Variants in SEC13 observed in about 807,000 individuals in gnomAD.
The protein encoded by SEC13 is protein SEC13 homolog.
SEC13 carries 25 observed loss-of-function variants against 49.2 expected under a neutral mutation model. That is an observed-to-expected ratio of 0.51 (90% CI 0.37 to 0.71). SEC13 has a LOEUF of 0.71. Ranked by LOEUF, SEC13 falls within the 30% of genes least tolerant of loss-of-function variation. SEC13 has a pLI of 0.00. For missense variants in SEC13, 383 were observed against 417.6 expected (o/e 0.92, Z 0.72); for synonymous variants, 148 against 163.9 (o/e 0.90, Z 0.74).
intron 7 of SEC13, 105 bp from the exon 8 acceptor site, chr3:10,304,277 G>A: frequency 8.3e-7 from 1 of 1,203,594 alleles, no homozygotes; most frequent in African/African-American, 1.5e-5. Context: ...TGCAGGAACA[G>A]GGTGGGGGAT....
Position 10,301,253 on chromosome 3 carries a change from C to CTGTCT in SEC13, c.*3_*7dup. The CTGTCT allele has an allele frequency of 6.2e-7, 1 of 1,614,206 alleles. No individual in the cohort carries two copies. Among genetic ancestry groups the CTGTCT allele is most frequent in the East Asian group, 2.2e-5 (1 of 44,876 alleles). ...TGGCGGGTGGGGAGCCAGGCCCCAC[C>CTGTCT]TGTCTTGTCACTGCTCGTTCTGCTG... On this transcript the variant is annotated 3_prime_UTR_variant, in exon 9 of 9. Coordinates refer to ENST00000350697, the MANE Select transcript of SEC13 (RefSeq NM_183352.3).
chr3:10,311,964 C>A lies in SEC13; in HGVS notation c.450+1G>T. 1.9e-6 allele frequency: 3 copies of A among 1,614,198 alleles called. No individual in the cohort carries two copies. The highest frequency in any genetic ancestry group is 2.5e-6 in the Non-Finnish European group (3 of 1,180,020). Reference sequence around the variant, plus strand: ...GCACGAAAGGCAGGGGATGGACTCACGGTGTGAGCGTTGTTGATCTTCTTT... The same window carrying A: ...GCACGAAAGGCAGGGGATGGACTCAAGGTGTGAGCGTTGTTGATCTTCTTT... On this transcript the variant is annotated splice_donor_variant, in intron 5 of 8. Transcript: ENST00000350697. LOFTEE classifies it high-confidence loss of function.
chr3:10,318,201 T>C, intron 1 of SEC13, 107 bp from the exon 2 acceptor site: 1 of 765,038 alleles, frequency 1.3e-6, no homozygotes, highest in Non-Finnish European at 2.3e-6. Flanking sequence ...ATTCATTCAT[T>C]CAGTAAGCAT....
At chr3:10,305,866 AGT>A (rs1319769274) in intron 5 of SEC13, 174 bp from the exon 6 acceptor site, 3 of 451,146 alleles carry the variant, frequency 6.6e-6, no homozygotes, top group South Asian at 3.5e-5. Context: ...GGATCCCAAC[AGT>A]GTGTGCATTT....
intron 5 of SEC13, among the ~76,000 whole-genome samples, chr3:10,307,458 C>CAA (rs926472412): frequency 6.6e-6 from 1 of 151,424 alleles, no homozygotes; most frequent in Non-Finnish European, 1.5e-5. Context: ...GGGCAGTTTA[C>CAA]AAAAAAAAGA....
At chr3:10,312,187 T>A in intron 4 of SEC13, 89 bp from the exon 5 acceptor site, 1 of 1,482,158 alleles carries the variant, frequency 6.7e-7, no homozygotes, top group South Asian at 1.4e-5. Flanking sequence ...TTACTAAATG[T>A]CTACAACAAA....
chr3:10,317,997 C>A, intron 2 of SEC13, 53 bp downstream of exon 2: 1 of 1,294,788 alleles, frequency 7.7e-7, no homozygotes, highest in Admixed American at 1.8e-5. Context: ...GCTTCCCTCC[C>A]ACAAAAATGC....
At chr3:10,317,670 C>T (rs961333944) in intron 2 of SEC13, among the ~76,000 whole-genome samples, 3 of 152,086 alleles carry the variant, frequency 2.0e-5, no homozygotes, top group African/African-American at 7.2e-5. Context: ...CTTCTTTTCA[C>T]CCCCCTTTCC....
At chr3:10,312,155 C>A in intron 4 of SEC13, 57 bp from the exon 5 acceptor site, 1 of 1,525,316 alleles carries the variant, frequency 6.6e-7, no homozygotes, top group South Asian at 1.2e-5. Flanking sequence ...CCCCAGGTCC[C>A]GCCTTCCACA....
chr3:10,314,448 G>A (rs1324076822), intron 3 of SEC13, among the ~76,000 whole-genome samples: 1 of 152,234 alleles, frequency 6.6e-6, no homozygotes, highest in African/African-American at 2.4e-5. Context: ...GATGTGTGAT[G>A]ACAATATCTG....
At chr3:10,311,774 C>T in intron 5 of SEC13, 191 bp downstream of exon 5, 1 of 1,436,160 alleles carries the variant, frequency 7.0e-7, no homozygotes, top group Non-Finnish European at 9.2e-7. Flanking sequence ...GAAGCAGTGC[C>T]AAGCCCTGCC....
At chr3:10,319,094 A>C in intron 1 of SEC13, 1 of 1,534,602 alleles carries the variant, frequency 6.5e-7, no homozygotes, top group Non-Finnish European at 8.8e-7. Context: ...TGGGATAGAA[A>C]AGAGGACTTA....
At chr3:10,319,444 T>G in intron 1 of SEC13, 1 of 561,712 alleles carries the variant, frequency 1.8e-6, no homozygotes. Flanking sequence ...TGCGACAGAC[T>G]AAGGAAATGA....
chr3:10,308,196 C>A (rs1701009544), intron 5 of SEC13, among the ~76,000 whole-genome samples: 5 of 152,178 alleles, frequency 3.3e-5, no homozygotes, highest in Admixed American at 3.3e-4. Flanking sequence ...ACATGCCCAT[C>A]ATTCCCAAAA....
At position 10,304,014 on chromosome 3, in the gene SEC13, A is replaced by G. The variant is rs988570251; in HGVS notation, c.855+12T>C. ...GGCTGTGTCCACCATGCCACGGGGAATGGGTATGTACCTTATTGTCTCCAC... is the reference window on the plus strand; with the variant it reads ...GGCTGTGTCCACCATGCCACGGGGAGTGGGTATGTACCTTATTGTCTCCAC... On this transcript the variant is annotated intron_variant, in intron 8 of 8. Coordinates refer to ENST00000350697, the MANE Select transcript of SEC13 (RefSeq NM_183352.3). 2.5e-6 allele frequency: 4 copies of G among 1,613,724 alleles called. No homozygotes were observed. The highest frequency in any genetic ancestry group is 3.4e-6 in the Non-Finnish European group (4 of 1,179,910).
At chr3:10,313,611 G>A (rs1701423072) in intron 3 of SEC13, 1 of 258,876 alleles carries the variant, frequency 3.9e-6, no homozygotes, top group African/African-American at 2.2e-5. Flanking sequence ...GGGACAACAG[G>A]ACATTCCCAG....
rs1034107419 is a variant in SEC13, at chr3:10,312,504, C to G, written c.316+75G>C. 1.0e-5 allele frequency: 16 copies of G among 1,544,190 alleles called. No homozygotes were observed. In the Middle Eastern group the frequency reaches 8.4e-4, roughly 81 times the overall value. On this transcript the variant is annotated intron_variant, in intron 4 of 8. Coordinates refer to ENST00000350697, the MANE Select transcript of SEC13 (RefSeq NM_183352.3). ...AGAGGCACCACGAGGGGCAGGGAGC[C>G]AGGGCTCCAGCCGGGACAGAGTCCT...
intron 5 of SEC13, among the ~76,000 whole-genome samples, chr3:10,309,619 A>ATTGT (rs1364576933): frequency 3.3e-5 from 5 of 152,192 alleles, no homozygotes; most frequent in Admixed American, 1.3e-4. Context: ...CTTGTTTTGT[A>ATTGT]TTGTTAGAAT....
intron 8 of SEC13, 146 bp downstream of exon 8, chr3:10,303,880 G>A (rs1005699279): frequency 2.6e-6 from 2 of 771,140 alleles, no homozygotes; most frequent in Non-Finnish European, 4.4e-6. Context: ...CATTAATGAT[G>A]TAACTAAGAG....
Sources: gnomAD v4.1 joint callset for allele counts (sites outside exome capture counted in the v4.1 genomes callset) on GRCh38, gnomAD v4.1.1 for gene constraint, MANE v1.5 for transcripts, NCBI Gene and HGNC (gene_info 2026-07-23, HGNC 2026-07-21) for gene names.